The following CACHD1 variants were observed in gnomAD, a reference collection of about 807,000 sequenced individuals.
The protein encoded by CACHD1 is cache domain containing 1, also known as VWFA and cache domain-containing protein 1.
CACHD1 carries 71 observed loss-of-function variants against 138.7 expected under a neutral mutation model. That is an observed-to-expected ratio of 0.51 (90% CI 0.42 to 0.62). The LOEUF (loss-of-function observed/expected upper bound fraction) is 0.62. Among genes scored for constraint, CACHD1 ranks in the 20% least tolerant of loss-of-function variants. The pLI is 0.00. For missense variants in CACHD1, 1,389 were observed against 1,625.3 expected (o/e 0.85, Z 2.50); for synonymous variants, 578 against 591.5 (o/e 0.98, Z 0.33).
chr1:64,571,020 A>G (rs1159362898), intron 2 of CACHD1, among the ~76,000 whole-genome samples: 1 of 152,154 alleles, frequency 6.6e-6, no homozygotes, highest in African/African-American at 2.4e-5. Flanking sequence ...CCACTGCTAA[A>G]GTATCTTGAA....
At chr1:64,499,385 A>C (rs1468835375) in intron 1 of CACHD1, among the ~76,000 whole-genome samples, 2 of 152,236 alleles carry the variant, frequency 1.3e-5, no homozygotes, top group East Asian at 3.8e-4. Context: ...TCAGTGACTG[A>C]AACTCAATGG....
chr1:64,532,883 T>C (rs1646599600), intron 1 of CACHD1, among the ~76,000 whole-genome samples: 1 of 152,278 alleles, frequency 6.6e-6, no homozygotes, highest in Non-Finnish European at 1.5e-5. Context: ...AGTAAAGTAG[T>C]GGTACTAGTA....
chr1:64,481,622 A>G (rs1176917843), intron 1 of CACHD1, among the ~76,000 whole-genome samples: 1 of 152,202 alleles, frequency 6.6e-6, no homozygotes, highest in Non-Finnish European at 1.5e-5. Context: ...CCTGCCAGTC[A>G]TGGGCAGGAA....
At chr1:64,645,574 CA>C (rs1156937799) in intron 8 of CACHD1, among the ~76,000 whole-genome samples, 2 of 151,972 alleles carry the variant, frequency 1.3e-5, no homozygotes, top group Admixed American at 1.3e-4. Context: ...ATAAAAGACC[CA>C]AGATGGGGAG....
At chr1:64,614,099 C>T (rs2100601604) in intron 4 of CACHD1, among the ~76,000 whole-genome samples, 1 of 152,314 alleles carries the variant, frequency 6.6e-6, no homozygotes, top group African/African-American at 2.4e-5. Flanking sequence ...TCCATTTTGA[C>T]CTAATACGAG....
intron 26 of CACHD1, among the ~76,000 whole-genome samples, chr1:64,688,825 T>C (rs1650449079): frequency 6.7e-6 from 1 of 149,980 alleles, no homozygotes; most frequent in Non-Finnish European, 1.5e-5. Flanking sequence ...CCCTTCCAGC[T>C]GTTGTACCAT....
chr1:64,532,591 G>A (rs527530876), intron 1 of CACHD1, among the ~76,000 whole-genome samples: 59 of 152,106 alleles, frequency 3.9e-4, no homozygotes, highest in Non-Finnish European at 6.6e-4. Flanking sequence ...ACTGGAGGCC[G>A]GTATGTTGAG....
intron 3 of CACHD1, among the ~76,000 whole-genome samples, chr1:64,595,528 C>T (rs1175564479): frequency 6.6e-6 from 1 of 152,116 alleles, no homozygotes; most frequent in African/African-American, 2.4e-5. Flanking sequence ...CCTGCAGACC[C>T]CACCAAGCTG....
At chr1:64,497,577 C>A (rs1004088658) in intron 1 of CACHD1, among the ~76,000 whole-genome samples, 36 of 152,176 alleles carry the variant, frequency 2.4e-4, no homozygotes, top group African/African-American at 7.7e-4. Context: ...AAAAAATACC[C>A]CAGAGAGAGC....
At chr1:64,603,195 C>G (rs1647249081) in intron 4 of CACHD1, among the ~76,000 whole-genome samples, 1 of 150,368 alleles carries the variant, frequency 6.7e-6, no homozygotes, top group Non-Finnish European at 1.5e-5. Flanking sequence ...AGCTCCGCCT[C>G]CCGGGTTCAC....
chr1:64,593,567 T>C (rs1431712884), intron 3 of CACHD1, among the ~76,000 whole-genome samples: 1 of 152,206 alleles, frequency 6.6e-6, no homozygotes, highest in Non-Finnish European at 1.5e-5. Context: ...GTCATATTAT[T>C]TCTCCATGAA....
At chr1:64,543,563 G>C (rs1457381433) in intron 1 of CACHD1, among the ~76,000 whole-genome samples, 1 of 151,656 alleles carries the variant, frequency 6.6e-6, no homozygotes, top group South Asian at 2.1e-4. Flanking sequence ...GTAGCACAGT[G>C]AGACTGTCTC....
At chr1:64,561,904 A>T (rs1393720672) in intron 2 of CACHD1, among the ~76,000 whole-genome samples, 2 of 132,572 alleles carry the variant, frequency 1.5e-5, no homozygotes, top group African/African-American at 2.6e-5. Flanking sequence ...TTCTTAAAAG[A>T]TATTTTTGCT....
intron 7 of CACHD1, among the ~76,000 whole-genome samples, chr1:64,634,540 C>T (rs961980714): frequency 2.6e-5 from 4 of 151,960 alleles, no homozygotes; most frequent in Admixed American, 2.0e-4. Context: ...TATGCCACCA[C>T]GCCCAGCTAA....
At chr1:64,503,777 C>G (rs1437155092) in intron 1 of CACHD1, among the ~76,000 whole-genome samples, 1 of 152,182 alleles carries the variant, frequency 6.6e-6, no homozygotes, top group Non-Finnish European at 1.5e-5. Context: ...ATTTGTTAGA[C>G]TAATGGGTAA....
intron 1 of CACHD1, among the ~76,000 whole-genome samples, chr1:64,507,623 TAGAG>T (rs527724693): frequency 1.3e-5 from 2 of 151,930 alleles, no homozygotes; most frequent in Non-Finnish European, 2.9e-5. Context: ...GCCCAGGAGA[TAGAG>T]AATGTGGAAA....
At chr1:64,537,550 T>A (rs529010718) in intron 1 of CACHD1, among the ~76,000 whole-genome samples, 1 of 152,302 alleles carries the variant, frequency 6.6e-6, no homozygotes, top group African/African-American at 2.4e-5. Context: ...GCTACCAGTG[T>A]CATAGCTGGA....
In CACHD1 at chr1:64,539,387, C is replaced by CTCCTCT. The variant is rs563652313; in HGVS notation, c.199-11206_199-11201dup. Among the ~76,000 whole-genome samples, 1,034 of 152,288 alleles carry CTCCTCT rather than the reference C, an allele frequency of 6.8e-3. 5 individuals are homozygous for CTCCTCT. Among genetic ancestry groups the CTCCTCT allele is most frequent in the African/African-American group, 0.024 (984 of 41,566 alleles). On this transcript the variant is annotated intron_variant, in intron 1 of 26. Coordinates refer to ENST00000651257, the MANE Select transcript of CACHD1 (RefSeq NM_020925.4). Reference sequence around the variant, plus strand: ...TGCCTACCACATGCATAAAAGCCAGCTCCTCTCCCTGGCTTGAAAACCCTG... The same window carrying CTCCTCT: ...TGCCTACCACATGCATAAAAGCCAGCTCCTCTTCCTCTCCCTGGCTTGAAAACCCTG...
At chr1:64,535,655 T>C (rs1341504341) in intron 1 of CACHD1, among the ~76,000 whole-genome samples, 1 of 152,144 alleles carries the variant, frequency 6.6e-6, no homozygotes, top group Non-Finnish European at 1.5e-5. Flanking sequence ...AGAAATTCAA[T>C]ATAGGGAGAC....
Sources: gnomAD v4.1 joint callset for allele counts (sites outside exome capture counted in the v4.1 genomes callset) on GRCh38, gnomAD v4.1.1 for gene constraint, MANE v1.5 for transcripts, NCBI Gene and HGNC (gene_info 2026-07-23, HGNC 2026-07-21) for gene names.